Variants in GADL1 observed in about 807,000 individuals in gnomAD.
GADL1 encodes the protein acidic amino acid decarboxylase GADL1.
GADL1 carries 71 observed loss-of-function variants against 69.5 expected under a neutral mutation model. The observed-to-expected ratio is 1.02, with a 90% confidence interval of 0.84 to 1.25. GADL1 has a LOEUF of 1.25. Ranked by LOEUF, GADL1 falls within the 50% of genes most tolerant of loss-of-function variation. The pLI is 0.00. For missense variants in GADL1, 737 were observed against 631.8 expected (o/e 1.17, Z -1.79); for synonymous variants, 254 against 214.4 (o/e 1.18, Z -1.62).
Position 30,857,113 on chromosome 3 carries a change from A to T in GADL1, c.239T>A (p.Leu80Gln). 1 of 1,550,210 alleles carries T rather than the reference A, an allele frequency of 6.5e-7. No homozygotes were observed. The highest frequency in any genetic ancestry group is 8.7e-7 in the Non-Finnish European group (1 of 1,145,842). The change falls in exon 3 of 15, where the codon CTG becomes CAG. Residue 80 changes from leucine (L) to glutamine (Q), a missense_variant. By Grantham distance (113) the Leu-to-Gln change is moderately radical. Transcript: ENST00000282538. ...CATCTCCAAATCAAGAAGCTGTTTCAGTTGTTCAGGAGGCCTCCATTCACA... is the reference window on the plus strand; with the variant it reads ...CATCTCCAAATCAAGAAGCTGTTTCTGTTGTTCAGGAGGCCTCCATTCACA... ...KVCEWRPPEQ[L>Q]KQLLDLEMRD...
chr3:30,794,429 A>G (rs77298893), intron 12 of GADL1, among the ~76,000 whole-genome samples: 2 of 152,244 alleles, frequency 1.3e-5, no homozygotes, highest in East Asian at 3.9e-4. Context: ...CTTGTATAGT[A>G]AAACATTTTT....
chr3:30,846,557 T>C (rs1698061360), intron 6 of GADL1, among the ~76,000 whole-genome samples: 1 of 151,750 alleles, frequency 6.6e-6, no homozygotes, highest in Non-Finnish European at 1.5e-5. Context: ...ACGGGGTATA[T>C]AAATGTACAC....
intron 3 of GADL1, 149 bp downstream of exon 3, chr3:30,856,866 A>T: frequency 1.6e-6 from 1 of 624,486 alleles, no homozygotes; most frequent in Non-Finnish European, 2.7e-6. Context: ...ATTAGGGATT[A>T]AAGGGACCAT....
chr3:30,756,631 A>G (rs1357041825), intron 14 of GADL1, among the ~76,000 whole-genome samples: 1 of 152,060 alleles, frequency 6.6e-6, no homozygotes, highest in Non-Finnish European at 1.5e-5. Flanking sequence ...TTGCAAATAC[A>G]TTTGCTCTCG....
At position 30,837,545 on chromosome 3, in the gene GADL1, T is replaced by G. The variant is rs139241135; in HGVS notation, c.903+1452A>C. 4.4e-3 allele frequency among the ~76,000 whole-genome samples: 669 copies of G among 152,300 alleles called. 5 individuals are homozygous for G. The highest frequency in any genetic ancestry group is 0.015 in the South Asian group (72 of 4,834). On this transcript the variant is annotated intron_variant, in intron 9 of 14. Coordinates refer to ENST00000282538, the MANE Select transcript of GADL1 (RefSeq NM_207359.3). ...TTTTCATTCATAAATCACAATTTTC[T>G]CTAAGCCCCATAAATCTCTTAATGT... is the stretch of plus-strand genomic sequence containing the variant.
At chr3:30,766,753 G>C (rs1024872684) in intron 14 of GADL1, among the ~76,000 whole-genome samples, 1 of 147,964 alleles carries the variant, frequency 6.8e-6, no homozygotes, top group African/African-American at 2.4e-5. Context: ...GACTGCAGGG[G>C]ACATAAATAG....
intron 14 of GADL1, among the ~76,000 whole-genome samples, chr3:30,771,026 CTCA>C (rs762068172): frequency 4.6e-5 from 7 of 152,266 alleles, no homozygotes; most frequent in African/African-American, 7.2e-5. Context: ...CAAAGGAAAA[CTCA>C]TCATGAACTT....
chr3:30,768,544 G>T (rs1363137665), intron 14 of GADL1, among the ~76,000 whole-genome samples: 1 of 132,266 alleles, frequency 7.6e-6, no homozygotes, highest in Non-Finnish European at 1.7e-5. Flanking sequence ...TTGAGAAGGA[G>T]AAGAGGGGGA....
At chr3:30,753,060 T>C (rs548825438) in intron 14 of GADL1, among the ~76,000 whole-genome samples, 7 of 152,220 alleles carry the variant, frequency 4.6e-5, no homozygotes, top group Non-Finnish European at 1.0e-4. Flanking sequence ...CAGCTACTCT[T>C]TAAAATCAAA....
At chr3:30,818,766 G>A (rs1697519327) in intron 11 of GADL1, among the ~76,000 whole-genome samples, 1 of 152,094 alleles carries the variant, frequency 6.6e-6, no homozygotes, top group Admixed American at 6.6e-5. Flanking sequence ...CTACACTGAG[G>A]TGTGAAATTT....
rs773411609 is a variant in GADL1, at chr3:30,861,586, T to C, written c.210+7A>G. On this transcript the variant is annotated splice_region_variant and intron_variant, in intron 2 of 14. Transcript: ENST00000282538. ...TTCTGCAATTTCTTACAGGTTTTAATTTTTACCTTCTCATTGACATCTGTA... is the reference window on the plus strand; with the variant it reads ...TTCTGCAATTTCTTACAGGTTTTAACTTTTACCTTCTCATTGACATCTGTA... 6 of 1,540,460 alleles carry C rather than the reference T, an allele frequency of 3.9e-6. No homozygotes were observed. In the African/African-American group the frequency reaches 8.3e-5, roughly 21 times the overall value.
chr3:30,867,870 A>G (rs576215269), intron 1 of GADL1, among the ~76,000 whole-genome samples: 18 of 152,186 alleles, frequency 1.2e-4, no homozygotes, highest in African/African-American at 4.1e-4. Context: ...CCAATAAAAT[A>G]TGCTGAATGT....
rs569318052 is a variant in GADL1 at position 30,865,531 on chromosome 3, T to C, written c.38-3766A>G. Among the ~76,000 whole-genome samples, 4 of 152,084 alleles carry C rather than the reference T, an allele frequency of 2.6e-5. No homozygotes were observed. In the South Asian group the frequency reaches 8.3e-4, roughly 32 times the overall value. ...GAGATGCCGTCGCAGGTTGTCTGTA[T>C]GCCTTTCTGAACTGATAGCACAGCA... is the stretch of plus-strand genomic sequence containing the variant. On this transcript the variant is annotated intron_variant, in intron 1 of 14. Coordinates refer to ENST00000282538, the MANE Select transcript of GADL1 (RefSeq NM_207359.3).
chr3:30,803,509 C>T (rs1243567499), intron 11 of GADL1, among the ~76,000 whole-genome samples: 1 of 151,978 alleles, frequency 6.6e-6, no homozygotes, highest in Non-Finnish European at 1.5e-5. Context: ...GTTTTAGGGG[C>T]CTATGGTAGT....
chr3:30,778,210 T>C lies in GADL1; in HGVS notation c.1361A>G (p.Glu454Gly), dbSNP rs1696582756. The stretch of plus-strand genomic sequence containing the variant: ...AAGTTTTGCCCAGAACTCGGGTCCT[T>C]CTTCCATCTCTCTGAGGCTCGGTGG... ...YIPPSLREME[E>G]GPEFWAKLNL... Residue 454 changes from glutamate (E) to glycine (G), a missense_variant, in exon 14 of 15, where the codon GAA (glutamate) becomes GGA (glycine). Glu to Gly is a moderately conservative substitution (Grantham distance 98, BLOSUM62 -2). Coordinates refer to ENST00000282538, the MANE Select transcript of GADL1 (RefSeq NM_207359.3). 5 of 1,612,120 alleles carry C rather than the reference T, an allele frequency of 3.1e-6. No homozygotes were observed. Among genetic ancestry groups the C allele is most frequent in the Non-Finnish European group, 3.4e-6 (4 of 1,178,274 alleles).
At chr3:30,742,009 G>C (rs1695633746) in intron 14 of GADL1, among the ~76,000 whole-genome samples, 1 of 152,170 alleles carries the variant, frequency 6.6e-6, no homozygotes, top group African/African-American at 2.4e-5. Flanking sequence ...TCCTGTAGGT[G>C]CTCTGATTGA....
intron 12 of GADL1, among the ~76,000 whole-genome samples, chr3:30,793,385 A>C (rs986517119): frequency 1.0e-4 from 6 of 57,328 alleles, no homozygotes; most frequent in South Asian, 8.7e-4. Context: ...AAATACATTT[A>C]ATAAACTAAT....
intron 12 of GADL1, chr3:30,800,627 C>T (rs2125506695): frequency 2.1e-6 from 1 of 467,416 alleles, no homozygotes; most frequent in Non-Finnish European, 3.9e-6. Flanking sequence ...GTCATTTGTG[C>T]ATCTCAGTAG....
rs140017791 is a variant in GADL1, at chr3:30,877,066, G to A, written c.38-15301C>T. Among the ~76,000 whole-genome samples, 546 of 151,944 alleles carry A rather than the reference G, an allele frequency of 3.6e-3. 2 individuals are homozygous for A. The highest frequency in any genetic ancestry group is 6.8e-3 in the Middle Eastern group (2 of 294). On this transcript the variant is annotated intron_variant, in intron 1 of 14. Transcript: ENST00000282538. ...ACTGTACTAGGCACTTATATTACAC[G>A]TTTTTGGACAAATATTCATAGCACC...
Sources: allele counts gnomAD v4.1 joint callset (sites outside exome capture counted in the v4.1 genomes callset), GRCh38; gene constraint gnomAD v4.1.1; transcripts MANE v1.5; gene names NCBI Gene and HGNC (gene_info 2026-07-23, HGNC 2026-07-21).